The following TP63 variants were observed in gnomAD, a reference collection of about 807,000 sequenced individuals.
TP63 encodes the protein tumor protein p63, also known as tumor protein 63.
In TP63, 17 loss-of-function variants were observed where a neutral mutation model predicts 82.8. The ratio of observed to expected loss-of-function variants is 0.21; its 90% CI spans 0.14 to 0.31. The LOEUF is 0.31. Among genes scored for constraint, TP63 ranks in the 10% least tolerant of loss-of-function variants. TP63 has a pLI of 1.00. For synonymous variants in TP63, 330 were observed against 321.7 expected, an observed-to-expected ratio of 1.03 and a Z score of -0.28; for missense variants, 648 against 895.3, an observed-to-expected ratio of 0.72 and a Z score of 3.52.
chr3:189,773,192 A>G (rs904516252), intron 3 of TP63, among the ~76,000 whole-genome samples: 1 of 152,220 alleles, frequency 6.6e-6, no homozygotes, highest in African/African-American at 2.4e-5. Context: ...GGATCTGAAA[A>G]AAGAAACTTC....
At chr3:189,875,608 A>ATATATATATACG in intron 10 of TP63, among the ~76,000 whole-genome samples, 1 of 65,946 alleles carries the variant, frequency 1.5e-5, no homozygotes, top group African/African-American at 5.7e-5. Flanking sequence ...ATATATATAT[A>ATATATATATACG]TATATATATA....
chr3:189,622,447 A>C, the TP63 span, among the ~76,000 whole-genome samples: 1 of 152,206 alleles, frequency 6.6e-6, no homozygotes, highest in Non-Finnish European at 1.5e-5. Flanking sequence ...AGAGTCACCA[A>C]CTATCTCTTC....
intron 1 of TP63, among the ~76,000 whole-genome samples, chr3:189,633,206 C>A (rs549762022): frequency 1.3e-5 from 2 of 151,988 alleles, no homozygotes; most frequent in African/African-American, 4.8e-5. Context: ...ATATTCTAAG[C>A]AATCATAGTA....
intron 1 of TP63, among the ~76,000 whole-genome samples, chr3:189,639,122 G>A (rs1463894883): frequency 6.6e-6 from 1 of 152,126 alleles, no homozygotes; most frequent in East Asian, 1.9e-4. Context: ...TCTGGACAGG[G>A]TTTCTATCTC....
intron 3 of TP63, among the ~76,000 whole-genome samples, chr3:189,763,347 T>C (rs1006295414): frequency 6.6e-6 from 1 of 152,214 alleles, no homozygotes; most frequent in Admixed American, 6.5e-5. Context: ...TACCAAACTC[T>C]ATCTGAATAA....
chr3:189,731,949 C>G (rs192034975), intron 1 of TP63, among the ~76,000 whole-genome samples: 1 of 152,152 alleles, frequency 6.6e-6, no homozygotes, highest in Non-Finnish European at 1.5e-5. Flanking sequence ...AATGTTTCAA[C>G]ATATTTATCT....
chr3:189,657,161 A>G lies in TP63; in HGVS notation c.62+25584A>G, dbSNP rs115368213. Among the ~76,000 whole-genome samples the G allele has an allele frequency of 3.8e-3, 579 of 152,152 alleles. 2 individuals carry two copies. The highest frequency in any genetic ancestry group is 0.013 in the African/African-American group (557 of 41,556). On this transcript the variant is annotated intron_variant, in intron 1 of 13. Coordinates refer to ENST00000264731, the MANE Select transcript of TP63 (RefSeq NM_003722.5). The stretch of plus-strand genomic sequence containing the variant: ...ACTATAGAGCTAAGAAAAAGATTAC[A>G]TGTTGCCAGGGGTTTGGGGTAAAGG...
chr3:189,677,446 A>G (rs1348664657), intron 1 of TP63, among the ~76,000 whole-genome samples: 1 of 148,484 alleles, frequency 6.7e-6, no homozygotes, highest in Non-Finnish European at 1.5e-5. Context: ...ATATATATAC[A>G]CACATATATA....
intron 3 of TP63, among the ~76,000 whole-genome samples, chr3:189,750,452 A>C (rs1272908263): frequency 1.3e-5 from 2 of 152,218 alleles, no homozygotes; most frequent in African/African-American, 2.4e-5. Flanking sequence ...ATATATTTTC[A>C]AAGTACATAA....
intron 1 of TP63, among the ~76,000 whole-genome samples, chr3:189,718,392 C>A (rs898953942): frequency 6.6e-6 from 1 of 151,276 alleles, no homozygotes; most frequent in East Asian, 1.9e-4. Context: ...AACTGACAAC[C>A]ATGACAGAAG....
chr3:189,881,824 A>G (rs1719943433), intron 10 of TP63, among the ~76,000 whole-genome samples: 1 of 152,196 alleles, frequency 6.6e-6, no homozygotes, highest in South Asian at 2.1e-4. Context: ...CTCTAGTTGT[A>G]TGTTAATTCG....
At chr3:189,685,349 T>C (rs1006320274) in intron 1 of TP63, among the ~76,000 whole-genome samples, 3 of 152,190 alleles carry the variant, frequency 2.0e-5, no homozygotes, top group African/African-American at 7.2e-5. Context: ...GCAGGTTGTT[T>C]CTTCCTCTGC....
rs986670784 is a variant in TP63, at chr3:189,896,974, AC to A, written c.*2474del. The A allele has an allele frequency of 4.4e-6, 1 of 225,162 alleles. No individual in the cohort carries two copies. The highest frequency in any genetic ancestry group is 2.2e-5 in the African/African-American group (1 of 44,508). 13.9% of individuals were successfully genotyped at this position (225,162 alleles called of 1,614,324 possible). A position where few individuals can be genotyped will look rare whatever the true frequency, so the allele number is the denominator to read the frequency against. ...AGCAGAGTTTTCATTAAATCCTTTTACCTTTTTTTTTTCTTGGTAATCCCCT... is the reference window on the plus strand; with the variant it reads ...AGCAGAGTTTTCATTAAATCCTTTTACTTTTTTTTTTCTTGGTAATCCCCT... On this transcript the variant is annotated 3_prime_UTR_variant, in exon 14 of 14. Coordinates refer to ENST00000264731, the MANE Select transcript of TP63 (RefSeq NM_003722.5).
At chr3:189,825,430 G>A (rs1304039434) in intron 4 of TP63, among the ~76,000 whole-genome samples, 1 of 152,178 alleles carries the variant, frequency 6.6e-6, no homozygotes. Context: ...TAATCCAGCA[G>A]CAGGCAAAAA....
At chr3:189,721,680 A>G (rs1719404723) in intron 1 of TP63, among the ~76,000 whole-genome samples, 1 of 152,128 alleles carries the variant, frequency 6.6e-6, no homozygotes. Flanking sequence ...ACATGCCCAG[A>G]CTTACCTCCC....
chr3:189,811,596 G>A (rs1479477042), intron 4 of TP63, among the ~76,000 whole-genome samples: 4 of 152,086 alleles, frequency 2.6e-5, no homozygotes, highest in African/African-American at 9.7e-5. Flanking sequence ...CTAATTCTTT[G>A]AGCCAAATTA....
chr3:189,891,734 A>T (rs1214215385), intron 13 of TP63, among the ~76,000 whole-genome samples: 1 of 152,140 alleles, frequency 6.6e-6, no homozygotes, highest in African/African-American at 2.4e-5. Flanking sequence ...CACGGGAGCT[A>T]GTGTTGCTCT....
At chr3:189,682,506 A>G (rs1716005587) in intron 1 of TP63, among the ~76,000 whole-genome samples, 1 of 146,724 alleles carries the variant, frequency 6.8e-6, no homozygotes, top group Non-Finnish European at 1.5e-5. Flanking sequence ...TTAACCCAGC[A>G]GTTTCATTCC....
chr3:189,643,062 C>T (rs113917245), intron 1 of TP63, among the ~76,000 whole-genome samples: 36 of 151,734 alleles, frequency 2.4e-4, no homozygotes, highest in African/African-American at 8.4e-4. Context: ...AGTACAATGG[C>T]GCAATCTCAG....
Sources: gnomAD v4.1 joint callset for allele counts (sites outside exome capture counted in the v4.1 genomes callset) on GRCh38, gnomAD v4.1.1 for gene constraint, MANE v1.5 for transcripts, NCBI Gene and HGNC (gene_info 2026-07-23, HGNC 2026-07-21) for gene names.